Variants in INSYN1 observed in about 807,000 individuals in gnomAD.
The protein encoded by INSYN1 is UPF0583 protein C15orf59.
A neutral mutation model predicts 17.1 loss-of-function variants in INSYN1; 7 were observed. The observed-to-expected ratio is 0.41, with a 90% CI of 0.23 to 0.77. INSYN1 has a LOEUF of 0.77. Among genes scored for constraint, INSYN1 ranks in the 30% least tolerant of loss-of-function variants. The pLI is 0.32. For synonymous variants in INSYN1, 174 were observed against 166.3 expected (o/e 1.05, Z -0.36); for missense variants, 339 against 400.6 (o/e 0.85, Z 1.31).
At position 73,740,584 on chromosome 15, in the gene INSYN1, T is replaced by C; in HGVS notation, c.215A>G (p.Asp72Gly). The change falls in exon 3 of 3, where the codon GAC (aspartate) becomes GGC (glycine). Residue 72 changes from aspartate (D) to glycine (G), a missense_variant. By Grantham distance (94) the Asp-to-Gly change is moderately conservative. Coordinates refer to ENST00000569673, the MANE Select transcript of INSYN1 (RefSeq NM_001039614.3). ...GCTGCTCACAGTGGCCGTGGTCCAGTCGTCCGGCTCCAGTTCAAAGTCGAA... is the reference window on the plus strand; with the variant it reads ...GCTGCTCACAGTGGCCGTGGTCCAGCCGTCCGGCTCCAGTTCAAAGTCGAA... ...SDFDFELEPD[D>G]WTTATVSSTS... 1 of 1,613,984 alleles carries C rather than the reference T, an allele frequency of 6.2e-7. No individual in the cohort carries two copies. The highest frequency in any genetic ancestry group is 8.5e-7 in the Non-Finnish European group (1 of 1,179,946).
chr15:73,737,847 AT>A lies in INSYN1; in HGVS notation c.*2069del, dbSNP rs1901572080. 2 of 152,196 alleles carry A rather than the reference AT, an allele frequency of 1.3e-5. No homozygotes were observed. The highest frequency in any genetic ancestry group is 2.1e-4 in the South Asian group (1 of 4,820). 9.4% of individuals were successfully genotyped at this position (152,196 alleles called of 1,614,324 possible). On this transcript the variant is annotated 3_prime_UTR_variant, in exon 3 of 3. Coordinates refer to ENST00000569673, the MANE Select transcript of INSYN1 (RefSeq NM_001039614.3). ...GCTGGGGGGCTGTAAACCTGCCTTA[AT>A]TGAAATATGCAACAGGGAGGCCCCC... is the stretch of plus-strand genomic sequence containing the variant.
chr15:73,740,773 G>T, intron 2 of INSYN1, 131 bp from the exon 3 acceptor site: 1 of 778,626 alleles, frequency 1.3e-6, no homozygotes, highest in Non-Finnish European at 2.1e-6. Context: ...AGAGCCTGTA[G>T]GATGGTGACT....
rs1293642622 is a variant in INSYN1, at chr15:73,737,177, G to A, written c.*2740C>T. The stretch of plus-strand genomic sequence containing the variant: ...CCCATGGCTGTGTCAGAGACCCCTA[G>A]CTCTGGCCCTCAGTTTCTTCCTCTG... On this transcript the variant is annotated 3_prime_UTR_variant, in exon 3 of 3. Coordinates refer to ENST00000569673, the MANE Select transcript of INSYN1 (RefSeq NM_001039614.3). 1 of 152,210 alleles carries A rather than the reference G, an allele frequency of 6.6e-6. No homozygotes were observed. Among genetic ancestry groups the A allele is most frequent in the East Asian group, 1.9e-4 (1 of 5,192 alleles). The allele number at this position is 152,210 out of a possible 1,614,324, so 9.4% of individuals were successfully genotyped here. A position where few individuals can be genotyped will look rare whatever the true frequency, so the allele number is the denominator to read the frequency against.
In INSYN1 at chr15:73,751,242, C is replaced by G; in HGVS notation, c.-112G>C. The G allele has an allele frequency of 7.6e-7, 1 of 1,323,602 alleles. No individual in the cohort carries two copies. The highest frequency in any genetic ancestry group is 1.0e-6 in the Non-Finnish European group (1 of 966,886). The allele number at this position is 1,323,602 out of a possible 1,614,324, so 82.0% of individuals were successfully genotyped here. ...GCAGAGCTCCACATTTTAACGGCCCCCCAGCCCACCCTGGCCCTGGGCGGC... is the reference window on the plus strand; with the variant it reads ...GCAGAGCTCCACATTTTAACGGCCCGCCAGCCCACCCTGGCCCTGGGCGGC... On this transcript the variant is annotated 5_prime_UTR_variant, in exon 2 of 3. Transcript: ENST00000569673.
At chr15:73,743,848 A>G in intron 2 of INSYN1, among the ~76,000 whole-genome samples, 1 of 145,216 alleles carries the variant, frequency 6.9e-6, no homozygotes, top group East Asian at 2.0e-4. Context: ...AAAAAAAAAA[A>G]AAAAAAAAAA....
At chr15:73,744,260 T>A (rs891784980) in intron 2 of INSYN1, among the ~76,000 whole-genome samples, 5 of 152,188 alleles carry the variant, frequency 3.3e-5, no homozygotes, top group Non-Finnish European at 7.3e-5. Flanking sequence ...GAATTTCCAG[T>A]GCCTGTGGCA....
intron 2 of INSYN1, among the ~76,000 whole-genome samples, chr15:73,748,420 A>G (rs1400196285): frequency 6.6e-6 from 1 of 152,100 alleles, no homozygotes; most frequent in Admixed American, 6.5e-5. Context: ...TGTGACTCTC[A>G]TCTCCACTTC....
At chr15:73,748,653 G>A (rs1425723515) in intron 2 of INSYN1, among the ~76,000 whole-genome samples, 1 of 152,234 alleles carries the variant, frequency 6.6e-6, no homozygotes, top group East Asian at 1.9e-4. Context: ...CCAGAGAGCA[G>A]GGAGATTCCA....
chr15:73,745,111 C>T (rs753758790), intron 2 of INSYN1, among the ~76,000 whole-genome samples: 3 of 152,094 alleles, frequency 2.0e-5, no homozygotes, highest in East Asian at 1.9e-4. Context: ...GTCTTTCCAC[C>T]GATAGCAACT....
Position 73,740,322 on chromosome 15 carries a change from G to A in INSYN1, c.477C>T (p.Ser159=). The A allele has an allele frequency of 6.2e-7, 1 of 1,610,976 alleles. No individual in the cohort carries two copies. Among genetic ancestry groups the A allele is most frequent in the Non-Finnish European group, 8.5e-7 (1 of 1,178,564 alleles). The change falls in exon 3 of 3, where the codon TCC becomes TCT. Residue 159 remains serine, a synonymous_variant. Coordinates refer to ENST00000569673, the MANE Select transcript of INSYN1 (RefSeq NM_001039614.3). The part of the protein sequence containing the change: ...PNGPRVETPD[S]SSEEAFGAGP... ...CAGCACCAAAGGCCTCCTCACTGGA[G>A]GAGTCTGGGGTCTCCACTCGTGGCC...
chr15:73,748,255 G>C (rs750834366), intron 2 of INSYN1, among the ~76,000 whole-genome samples: 1 of 152,218 alleles, frequency 6.6e-6, no homozygotes, highest in East Asian at 1.9e-4. Context: ...GATGAGGAGA[G>C]TCTGCCATGA....
chr15:73,742,155 T>G (rs934129719), intron 2 of INSYN1, among the ~76,000 whole-genome samples: 1 of 152,214 alleles, frequency 6.6e-6, no homozygotes, highest in East Asian at 1.9e-4. Context: ...TGCCTAGGGA[T>G]GGCCCCTCAA....
rs763283501 is a variant in INSYN1 at position 73,740,056 on chromosome 15, C to T, written c.743G>A (p.Arg248His). 2.8e-5 allele frequency: 45 copies of T among 1,613,382 alleles called. No homozygotes were observed. The highest frequency in any genetic ancestry group is 3.4e-5 in the Non-Finnish European group (40 of 1,179,824). The change falls in exon 3 of 3, where the codon CGC becomes CAC. Residue 248 changes from arginine to histidine, a missense_variant. Physicochemically the swap from Arg to His is conservative, Grantham distance 29. Coordinates refer to ENST00000569673, the MANE Select transcript of INSYN1 (RefSeq NM_001039614.3). ...AGGGGCCAAGGTAGAGCCTGAGTGGCGGCTGGTCAGTGGAGAGCGCCGTGA... is the reference window on the plus strand; with the variant it reads ...AGGGGCCAAGGTAGAGCCTGAGTGGTGGCTGGTCAGTGGAGAGCGCCGTGA... ...YKSRRSPLTSRHSGSTLAPEQ... is the reference protein window; with the variant it reads ...YKSRRSPLTSHHSGSTLAPEQ...
At chr15:73,748,145 C>G (rs1596039736) in intron 2 of INSYN1, among the ~76,000 whole-genome samples, 1 of 152,170 alleles carries the variant, frequency 6.6e-6, no homozygotes, top group East Asian at 1.9e-4. Flanking sequence ...ATCACCACAT[C>G]CCAATTTCAG....
Position 73,751,281 on chromosome 15 carries a change from C to G in INSYN1, c.-151G>C, listed in dbSNP as rs982328956. On this transcript the variant is annotated 5_prime_UTR_variant, in exon 2 of 3. Transcript: ENST00000569673. ...GCCCTGGGCGGCCCTCAACCAGCCC[C>G]TGCCCCCTGCCACCCAGCCTCCTCT... 7.5e-6 allele frequency: 6 copies of G among 797,882 alleles called. No homozygotes were observed. Among genetic ancestry groups the G allele is most frequent in the Middle Eastern group, 3.6e-4 (1 of 2,774 alleles). 49.4% of individuals were successfully genotyped at this position (797,882 alleles called of 1,614,324 possible). A position where few individuals can be genotyped will look rare whatever the true frequency, so the allele number is the denominator to read the frequency against.
chr15:73,749,071 G>C (rs1901910531), intron 2 of INSYN1, among the ~76,000 whole-genome samples: 1 of 152,202 alleles, frequency 6.6e-6, no homozygotes, highest in African/African-American at 2.4e-5. Flanking sequence ...GGAGACATGG[G>C]AGTGGGTGAG....
chr15:73,738,017 A>C lies in INSYN1; in HGVS notation c.*1900T>G, dbSNP rs1349414263. ...TGTTTGTGACCCAGGGGTGGCTCCC[A>C]GTTGGATGGAGGTGTCTTCTTTGGC... On this transcript the variant is annotated 3_prime_UTR_variant, in exon 3 of 3. Coordinates refer to ENST00000569673, the MANE Select transcript of INSYN1 (RefSeq NM_001039614.3). The C allele has an allele frequency of 6.6e-6, 1 of 152,306 alleles. No homozygotes were observed. Among genetic ancestry groups the C allele is most frequent in the East Asian group, 1.9e-4 (1 of 5,194 alleles). The allele number at this position is 152,306 out of a possible 1,614,324, so 9.4% of individuals were successfully genotyped here. A position where few individuals can be genotyped will look rare whatever the true frequency, so the allele number is the denominator to read the frequency against.
chr15:73,739,923 T>G lies in INSYN1; in HGVS notation c.876A>C (p.Lys292Asn), dbSNP rs748908753. ...YTATRQKARG[K>N]N is the part of the protein sequence containing the mutation. ...CCGGCCCCCTCCCCGGCCCCTAGTTTTTCCCCCTGGCTTTCTGTCTAGTGG... is the reference window on the plus strand; with the variant it reads ...CCGGCCCCCTCCCCGGCCCCTAGTTGTTCCCCCTGGCTTTCTGTCTAGTGG... The change falls in exon 3 of 3, where the codon AAA becomes AAC. Residue 292 changes from lysine to asparagine, a missense_variant. Coordinates refer to ENST00000569673, the MANE Select transcript of INSYN1 (RefSeq NM_001039614.3). The G allele has an allele frequency of 6.3e-7, 1 of 1,585,992 alleles. No individual in the cohort carries two copies. Among genetic ancestry groups the G allele is most frequent in the Admixed American group, 1.7e-5 (1 of 58,478 alleles).
chr15:73,747,848 C>T lies in INSYN1; in HGVS notation c.156+3127G>A, dbSNP rs115795102. 5.0e-3 allele frequency among the ~76,000 whole-genome samples: 767 copies of T among 152,270 alleles called. 8 individuals carry two copies. Among genetic ancestry groups the T allele is most frequent in the African/African-American group, 0.018 (731 of 41,542 alleles). The stretch of plus-strand genomic sequence containing the variant: ...CCTGGGAGAGATAAGGGCTAATTAA[C>T]GATTGACCGTCATATCCCTCTGCAG... On this transcript the variant is annotated intron_variant, in intron 2 of 2. Coordinates refer to ENST00000569673, the MANE Select transcript of INSYN1 (RefSeq NM_001039614.3).
Sources: allele counts gnomAD v4.1 joint callset (sites outside exome capture counted in the v4.1 genomes callset), GRCh38; gene constraint gnomAD v4.1.1; transcripts MANE v1.5; gene names NCBI Gene and HGNC (gene_info 2026-07-23, HGNC 2026-07-21).